Variants in SCN10A observed in about 807,000 individuals in gnomAD.
The protein encoded by SCN10A is sodium voltage-gated channel alpha subunit 10.
Under a neutral mutation model 170.7 loss-of-function variants are expected in SCN10A, and 162 were observed. The ratio of observed to expected loss-of-function variants is 0.95; its 90% CI spans 0.84 to 1.08. SCN10A has a LOEUF of 1.08. Ranked by LOEUF, SCN10A falls within the 50% of genes least tolerant of loss-of-function variation. The pLI is 0.00. For synonymous variants in SCN10A, 985 were observed against 904.6 expected (o/e 1.09, Z -1.59); for missense variants, 2,527 against 2,436.9 (o/e 1.04, Z -0.78).
chr3:38,769,770 T>A (rs2063977658), intron 5 of SCN10A, among the ~76,000 whole-genome samples: 2 of 152,144 alleles, frequency 1.3e-5, no homozygotes, highest in African/African-American at 2.4e-5. Flanking sequence ...TGTGGTGCTC[T>A]CCCCAATCCC....
intron 4 of SCN10A, among the ~76,000 whole-genome samples, chr3:38,772,072 G>T (rs2064007106): frequency 6.6e-6 from 1 of 152,146 alleles, no homozygotes; most frequent in Non-Finnish European, 1.5e-5. Flanking sequence ...TGGATTGGAT[G>T]CTCATTTTCT....
In SCN10A at chr3:38,761,494, A is replaced by T. The variant is rs558791009; in HGVS notation, c.692-111T>A. 8 of 922,178 alleles carry T rather than the reference A, an allele frequency of 8.7e-6. No homozygotes were observed. The East Asian group carries it at 1.9e-4, about 21-fold the overall frequency. 57.1% of individuals were successfully genotyped at this position (922,178 alleles called of 1,614,324 possible). A position where few individuals can be genotyped will look rare whatever the true frequency, so the allele number is the denominator to read the frequency against. ...CTCTACATACAGGAGTGAAGTATGT[A>T]CACACTCCAGGGCAGTTCCAAGACC... is the stretch of plus-strand genomic sequence containing the variant. On this transcript the variant is annotated intron_variant, in intron 6 of 27. Coordinates refer to ENST00000449082, the MANE Select transcript of SCN10A (RefSeq NM_006514.4).
At chr3:38,718,569 T>G in intron 21 of SCN10A, 84 bp downstream of exon 21, 1 of 1,433,016 alleles carries the variant, frequency 7.0e-7, no homozygotes, top group Admixed American at 1.9e-5. Flanking sequence ...GAGGGCCAGG[T>G]CTCTGAGCTT....
Position 38,712,193 on chromosome 3 carries a change from C to T in SCN10A, c.4057G>A (p.Val1353Ile), listed in dbSNP as rs765322398. 1 of 1,614,224 alleles carries T rather than the reference C, an allele frequency of 6.2e-7. No individual in the cohort carries two copies. Among genetic ancestry groups the T allele is most frequent in the South Asian group, 1.1e-5 (1 of 91,078 alleles). The change falls in exon 23 of 28, where the codon GTT (valine) becomes ATT (isoleucine). Residue 1353 changes from valine to isoleucine, a missense_variant. Physicochemically the swap from Val to Ile is conservative, Grantham distance 29. Transcript: ENST00000449082. Reference sequence around the variant, plus strand: ...AGAAGTGCAAGGTAACCCATTGCAACATTATCAAAGTTGACTTTCACATTG... The same window carrying T: ...AGAAGTGCAAGGTAACCCATTGCAATATTATCAAAGTTGACTTTCACATTG... ...WVNVKVNFDN[V>I]AMGYLALLQV...
chr3:38,772,426 A>G (rs893313910), intron 4 of SCN10A, among the ~76,000 whole-genome samples: 1 of 152,164 alleles, frequency 6.6e-6, no homozygotes, highest in Non-Finnish European at 1.5e-5. Flanking sequence ...GCTGTGGCTC[A>G]CGCCTGTAAT....
chr3:38,717,817 G>T (rs576719685), intron 21 of SCN10A, among the ~76,000 whole-genome samples: 1 of 152,348 alleles, frequency 6.6e-6, no homozygotes, highest in East Asian at 1.9e-4. Context: ...CAGCTATGCG[G>T]CAGTGAACAG....
intron 4 of SCN10A, among the ~76,000 whole-genome samples, chr3:38,784,480 C>T (rs1229824710): frequency 6.6e-6 from 1 of 152,068 alleles, no homozygotes; most frequent in Non-Finnish European, 1.5e-5. Context: ...TGGAATGTAT[C>T]TCAAAATAAT....
intron 4 of SCN10A, among the ~76,000 whole-genome samples, chr3:38,774,541 T>C (rs1043385648): frequency 4.6e-5 from 7 of 152,194 alleles, no homozygotes; most frequent in East Asian, 1.9e-4. Context: ...AAGAAAATCA[T>C]TGGGTATTGG....
chr3:38,756,832 C>CA lies in SCN10A; in HGVS notation c.1131dup (p.Val378CysfsTer24). 2 of 1,614,138 alleles carry CA rather than the reference C, an allele frequency of 1.2e-6. No homozygotes were observed. The highest frequency in any genetic ancestry group is 1.7e-6 in the Non-Finnish European group (2 of 1,180,012). The stretch of plus-strand genomic sequence containing the variant: ...AAAGATCCCAGGAAGATTACGAGCA[C>CA]AAAAAAGATCATATAGATTTTCCCA... On this transcript the variant is annotated frameshift_variant, in exon 10 of 28. Transcript: ENST00000449082. LOFTEE classifies it high-confidence loss of function.
intron 15 of SCN10A, among the ~76,000 whole-genome samples, chr3:38,732,860 T>C (rs1443499337): frequency 6.6e-6 from 1 of 152,218 alleles, no homozygotes; most frequent in Non-Finnish European, 1.5e-5. Flanking sequence ...AAAGAAAATA[T>C]AATCCAGAAG....
chr3:38,721,217 T>C (rs983330210), intron 20 of SCN10A, among the ~76,000 whole-genome samples: 1 of 152,270 alleles, frequency 6.6e-6, no homozygotes, highest in East Asian at 1.9e-4. Context: ...AGATATTTAG[T>C]AGGTTGTTTT....
intron 23 of SCN10A, among the ~76,000 whole-genome samples, chr3:38,711,711 T>C (rs766488010): frequency 6.6e-6 from 1 of 152,210 alleles, no homozygotes; most frequent in Non-Finnish European, 1.5e-5. Context: ...AAATGAGTGA[T>C]TGACTGGATG....
In SCN10A at chr3:38,757,031, C is replaced by A. The variant is rs762451403; in HGVS notation, c.1079G>T (p.Arg360Leu). 6.2e-6 allele frequency: 10 copies of A among 1,610,242 alleles called. No homozygotes were observed. The highest frequency in any genetic ancestry group is 5.1e-6 in the Non-Finnish European group (6 of 1,178,292). The stretch of plus-strand genomic sequence containing the variant: ...GCAGCTCAGTACCTGCTGGTAGAGG[C>A]GTTCCCAGGAATCCTGTGTCATGAG... ...FRLMTQDSWE[R>L]LYQQTLRTSG... Residue 360 changes from arginine (R) to leucine (L), a missense_variant, in exon 9 of 28, where the codon CGC becomes CTC. Physicochemically the swap from Arg to Leu is moderately radical, Grantham distance 102. Coordinates refer to ENST00000449082, the MANE Select transcript of SCN10A (RefSeq NM_006514.4).
At chr3:38,718,511 C>T (rs911200640) in intron 21 of SCN10A, 142 bp downstream of exon 21, 4 of 760,082 alleles carry the variant, frequency 5.3e-6, no homozygotes, top group African/African-American at 3.5e-5. Flanking sequence ...CAGGGCTATT[C>T]TCAGACTCCT....
At chr3:38,731,734 C>T (rs1260918793) in intron 15 of SCN10A, among the ~76,000 whole-genome samples, 1 of 152,208 alleles carries the variant, frequency 6.6e-6, no homozygotes, top group Non-Finnish European at 1.5e-5. Flanking sequence ...TAACTCCCCC[C>T]AGATTTGCAT....
At chr3:38,801,721 A>G (rs942796595) in intron 1 of SCN10A, among the ~76,000 whole-genome samples, 17 of 152,214 alleles carry the variant, frequency 1.1e-4, no homozygotes, top group African/African-American at 4.1e-4. Context: ...GACTCTGTAT[A>G]GTAGATATGA....
chr3:38,741,834 T>C (rs992837496), intron 14 of SCN10A, among the ~76,000 whole-genome samples: 3 of 152,216 alleles, frequency 2.0e-5, no homozygotes, highest in African/African-American at 7.2e-5. Flanking sequence ...CTTTTTCTCC[T>C]TAAGTGACAA....
At chr3:38,751,383 C>T (rs529010473) in intron 12 of SCN10A, among the ~76,000 whole-genome samples, 2 of 152,338 alleles carry the variant, frequency 1.3e-5, no homozygotes, top group South Asian at 2.1e-4. Flanking sequence ...CTTTACTAAA[C>T]TCTCTCTATT....
At chr3:38,725,068 T>C in intron 18 of SCN10A, 106 bp downstream of exon 18, 2 of 1,032,774 alleles carry the variant, frequency 1.9e-6, no homozygotes, top group Non-Finnish European at 2.7e-6. Flanking sequence ...TGTGATTGAG[T>C]GCAGTCTGGA....
Sources: allele counts gnomAD v4.1 joint callset (sites outside exome capture counted in the v4.1 genomes callset), GRCh38; gene constraint gnomAD v4.1.1; transcripts MANE v1.5; gene names NCBI Gene and HGNC (gene_info 2026-07-23, HGNC 2026-07-21).